TCP1: variants seen among roughly 807,000 people sequenced by gnomAD.
The protein encoded by TCP1 is T-complex protein 1 subunit alpha.
A neutral mutation model predicts 54.7 loss-of-function variants in TCP1; 6 were observed. The observed-to-expected ratio is 0.11, with a 90% CI of 0.06 to 0.22. The LOEUF (loss-of-function observed/expected upper bound fraction) is 0.22. Among genes scored for constraint, TCP1 ranks in the 10% least tolerant of loss-of-function variants. The probability of loss-of-function intolerance (pLI) is 1.00; values close to 1 mark genes in which losing one functional copy is unlikely to be tolerated. For missense variants in TCP1, 511 were observed against 678.2 expected (o/e 0.75, Z 2.74); for synonymous variants, 225 against 229.7 (o/e 0.98, Z 0.19).
rs745468128 is a variant in TCP1 at position 159,789,438 on chromosome 6, G to T, written c.31C>A (p.Arg11Ser). Residue 11 changes from arginine (R) to serine (S), a missense_variant, in exon 1 of 12, where the codon CGC (arginine) becomes AGC (serine). Around this residue, in one of 5 missense-constraint regions of TCP1, gnomAD observed 35 missense variants for 32.7 expected, o/e 1.07. Coordinates refer to ENST00000321394, the MANE Select transcript of TCP1 (RefSeq NM_030752.3). MEGPLSVFGD[R>S]STGETIRSQN... ...GAGCGGATCGTTTCCCCAGTGCTGC[G>T]GTCACCGAACACGGACAAAGGCCCC... 1.2e-6 allele frequency: 2 copies of T among 1,613,802 alleles called. No individual in the cohort carries two copies. The highest frequency in any genetic ancestry group is 1.7e-6 in the Non-Finnish European group (2 of 1,179,822).
At position 159,784,693 on chromosome 6, in the gene TCP1, C is replaced by T. The variant is rs1399395897; in HGVS notation, c.643G>A (p.Ala215Thr). 6.2e-7 allele frequency: 1 copy of T among 1,614,064 alleles called. No homozygotes were observed. The highest frequency in any genetic ancestry group is 2.2e-5 in the East Asian group (1 of 44,888). The change falls in exon 6 of 12, where the codon GCA (alanine) becomes ACA (threonine). Residue 215 changes from alanine to threonine, a missense_variant. Ala to Thr is a moderately conservative substitution (Grantham distance 58). This residue lies in a region of TCP1 where 305 missense variants were observed against 352.8 expected (regional missense o/e 0.86). Transcript: ENST00000321394. ...QMESMLISGY[A>T]LNCVVGSQGM... ...TGGGATCCCACCACACAGTTGAGTG[C>T]ATAGCCACTGATGAGCATACTCTCC...
At position 159,789,594 on chromosome 6, in the gene TCP1, G is replaced by C; in HGVS notation, c.-126C>G. ...TGGAGCGTACCCGAGCGATGTCCCA[G>C]GAGCTACTGGGTAACACACCACCCC... On this transcript the variant is annotated 5_prime_UTR_variant, in exon 1 of 12. Coordinates refer to ENST00000321394, the MANE Select transcript of TCP1 (RefSeq NM_030752.3). The C allele has an allele frequency of 8.5e-7, 1 of 1,173,898 alleles. No homozygotes were observed. Among genetic ancestry groups the C allele is most frequent in the Non-Finnish European group, 1.2e-6 (1 of 808,870 alleles). 72.7% of individuals were successfully genotyped at this position (1,173,898 alleles called of 1,614,324 possible).
At position 159,780,277 on chromosome 6, in the gene TCP1, A is replaced by G. The variant is rs1224563988; in HGVS notation, c.1097+166T>C. On this transcript the variant is annotated intron_variant, in intron 9 of 11. Coordinates refer to ENST00000321394, the MANE Select transcript of TCP1 (RefSeq NM_030752.3). ...ATGTCTAGTCCCTGCAGAAGAGATG[A>G]AAATGGTTACTTCATCTCAATTTAC... is the stretch of plus-strand genomic sequence containing the variant. 3 of 1,263,138 alleles carry G rather than the reference A, an allele frequency of 2.4e-6. No individual in the cohort carries two copies. The African/African-American group carries it at 4.4e-5, about 19-fold the overall frequency. 78.2% of individuals were successfully genotyped at this position (1,263,138 alleles called of 1,614,324 possible).
Position 159,781,984 on chromosome 6 carries a change from T to C in TCP1, c.798-874A>G, listed in dbSNP as rs556856259. 1.4e-3 allele frequency among the ~76,000 whole-genome samples: 209 copies of C among 151,964 alleles called. 1 individual carries two copies. Among genetic ancestry groups the C allele is most frequent in the Non-Finnish European group, 2.7e-3 (185 of 68,028 alleles). On this transcript the variant is annotated intron_variant, in intron 7 of 11. Coordinates refer to ENST00000321394, the MANE Select transcript of TCP1 (RefSeq NM_030752.3). The stretch of plus-strand genomic sequence containing the variant: ...CACTGAATGGCTGAAGACAAGAAGA[T>C]AATAACATGAGATATAAGCTGAAAG...
chr6:159,784,129 T>C, intron 6 of TCP1, 62 bp from the exon 7 acceptor site: 13 of 1,540,704 alleles, frequency 8.4e-6, no homozygotes, highest in Non-Finnish European at 1.1e-5. Context: ...AAAGAGTACC[T>C]ATAATCGATT....
At position 159,788,140 on chromosome 6, in the gene TCP1, A is replaced by T; in HGVS notation, c.68T>A (p.Met23Lys). 1 of 1,614,014 alleles carries T rather than the reference A, an allele frequency of 6.2e-7. No homozygotes were observed. Among genetic ancestry groups the T allele is most frequent in the Non-Finnish European group, 8.5e-7 (1 of 1,179,950 alleles). ...AATATTGGCAATCGAAGCTGCAGCC[A>T]TAACTGTAGACAATCAATTAAAAAT... ...TGETIRSQNV[M>K]AAASIANIVK... is the part of the protein sequence containing the mutation. The change falls in exon 2 of 12, where the codon ATG (methionine) becomes AAG (lysine). Residue 23 changes from methionine (M) to lysine (K), a missense_variant. By Grantham distance (95) the Met-to-Lys change is moderately conservative. This residue lies in a region of TCP1 where 35 missense variants were observed against 32.7 expected (regional missense o/e 1.07). Transcript: ENST00000321394.
rs912612249 is a variant in TCP1 at position 159,780,660 on chromosome 6, T to C, written c.974-94A>G. ...AGCATTTGTGGTAAAAGTGCTATAT[T>C]ACAAGTTTAGAATTTAGTTAGGCAG... On this transcript the variant is annotated intron_variant, in intron 8 of 11. Transcript: ENST00000321394. The C allele has an allele frequency of 4.0e-6, 6 of 1,489,302 alleles. No homozygotes were observed. In the African/African-American group the frequency reaches 4.2e-5, roughly 10 times the overall value. The allele number at this position is 1,489,302 out of a possible 1,614,324, so 92.3% of individuals were successfully genotyped here. A position where few individuals can be genotyped will look rare whatever the true frequency, so the allele number is the denominator to read the frequency against.
chr6:159,788,296 G>C lies in TCP1; in HGVS notation c.65-153C>G, dbSNP rs550985004. 3.6e-5 allele frequency: 24 copies of C among 659,480 alleles called. No homozygotes were observed. In the East Asian group the frequency reaches 6.4e-4, roughly 18 times the overall value. 40.9% of individuals were successfully genotyped at this position (659,480 alleles called of 1,614,324 possible). A position where few individuals can be genotyped will look rare whatever the true frequency, so the allele number is the denominator to read the frequency against. ...TAATTATTTAAAAACCACCTACTAAGAGTGTAAATGGGGCCAGACACTGTG... is the reference window on the plus strand; with the variant it reads ...TAATTATTTAAAAACCACCTACTAACAGTGTAAATGGGGCCAGACACTGTG... On this transcript the variant is annotated intron_variant, in intron 1 of 11. Coordinates refer to ENST00000321394, the MANE Select transcript of TCP1 (RefSeq NM_030752.3).
At position 159,786,069 on chromosome 6, in the gene TCP1, A is replaced by G. The variant is rs1380313721; in HGVS notation, c.280-72T>C. The G allele has an allele frequency of 1.6e-5, 20 of 1,222,502 alleles. No homozygotes were observed. In the Admixed American group the frequency reaches 3.1e-4, roughly 19 times the overall value. The allele number at this position is 1,222,502 out of a possible 1,614,324, so 75.7% of individuals were successfully genotyped here. ...TGTGCAATACATATGGAATGACACTAAAATGGCCATATATTATTAACCAAA... is the reference window on the plus strand; with the variant it reads ...TGTGCAATACATATGGAATGACACTGAAATGGCCATATATTATTAACCAAA... On this transcript the variant is annotated intron_variant, in intron 3 of 11. Transcript: ENST00000321394.
chr6:159,784,127 C>T (rs1411809325), intron 6 of TCP1, 60 bp from the exon 7 acceptor site: 8 of 1,547,778 alleles, frequency 5.2e-6, no homozygotes, highest in Non-Finnish European at 6.1e-6. Context: ...ATAAAGAGTA[C>T]CTATAATCGA....
Position 159,788,121 on chromosome 6 carries a change from G to A in TCP1, c.87C>T (p.Ala29=). 1 of 1,613,946 alleles carries A rather than the reference G, an allele frequency of 6.2e-7. No homozygotes were observed. The highest frequency in any genetic ancestry group is 1.1e-5 in the South Asian group (1 of 91,060). The change falls in exon 2 of 12, where the codon GCC becomes GCT. Residue 29 remains alanine, a synonymous_variant. Coordinates refer to ENST00000321394, the MANE Select transcript of TCP1 (RefSeq NM_030752.3). ...GACCAAGAGAACTTTTTACAATATT[G>A]GCAATCGAAGCTGCAGCCATAACTG... is the stretch of plus-strand genomic sequence containing the variant. The part of the protein sequence containing the change: ...SQNVMAAASI[A]NIVKSSLGPV...
chr6:159,778,926 C>T lies in TCP1; in HGVS notation c.*119G>A. 1 of 1,566,646 alleles carries T rather than the reference C, an allele frequency of 6.4e-7. No individual in the cohort carries two copies. On this transcript the variant is annotated 3_prime_UTR_variant, in exon 12 of 12. Coordinates refer to ENST00000321394, the MANE Select transcript of TCP1 (RefSeq NM_030752.3). The stretch of plus-strand genomic sequence containing the variant: ...AGAGGACCAAAGTACAGATGGAAAC[C>T]ATTTCCTACATCACAAAAACCCAAG...
intron 4 of TCP1, 127 bp from the exon 5 acceptor site, chr6:159,785,623 G>A (rs751949761): frequency 8.6e-5 from 74 of 858,400 alleles, no homozygotes; most frequent in Non-Finnish European, 1.4e-4. Flanking sequence ...TCATATAGGA[G>A]GAGGACATGA....
At position 159,780,065 on chromosome 6, in the gene TCP1, A is replaced by T; in HGVS notation, c.1120T>A (p.Ser374Thr). The change falls in exon 10 of 12, where the codon TCG becomes ACG. Residue 374 changes from serine to threonine, a missense_variant. Around this residue, in one of 5 missense-constraint regions of TCP1, gnomAD observed 305 missense variants for 352.8 expected, o/e 0.86. Transcript: ENST00000321394. ...TCATTTGCCCCACGTAAGATAATCGATGCAGACGTACGAGCCTTAGTACTG... is the reference window on the plus strand; with the variant it reads ...TCATTTGCCCCACGTAAGATAATCGTTGCAGACGTACGAGCCTTAGTACTG... The part of the protein sequence containing the change: ...IKNTKARTSA[S>T]IILRGANDFM... The T allele has an allele frequency of 6.2e-7, 1 of 1,614,196 alleles. No individual in the cohort carries two copies. The highest frequency in any genetic ancestry group is 1.1e-5 in the South Asian group (1 of 91,086).
intron 1 of TCP1, chr6:159,788,891 C>A (rs150708181): frequency 0.011 from 1,713 of 155,066 alleles, 18 homozygotes; most frequent in Middle Eastern, 0.073. Context: ...GCTAACTCTA[C>A]TGTAAGAAGC....
intron 2 of TCP1, 22 bp downstream of exon 2, chr6:159,788,034 AAC>A: frequency 6.2e-7 from 1 of 1,611,568 alleles, no homozygotes. Context: ...TAAGGAAACT[AAC>A]ACAACAGTTA....
chr6:159,785,838 A>C, intron 4 of TCP1, 62 bp downstream of exon 4: 1 of 1,278,952 alleles, frequency 7.8e-7, no homozygotes, highest in Non-Finnish European at 1.1e-6. Context: ...TCAAAACGTT[A>C]AGACAACACA....
Position 159,789,543 on chromosome 6 carries a change from C to T in TCP1, c.-75G>A. ...GTATCGCGGCCCCTCGGCCGACCGGCGACCACAGCAGTGGCTGCGACGGCG... is the reference window on the plus strand; with the variant it reads ...GTATCGCGGCCCCTCGGCCGACCGGTGACCACAGCAGTGGCTGCGACGGCG... On this transcript the variant is annotated 5_prime_UTR_variant, in exon 1 of 12. Transcript: ENST00000321394. The T allele has an allele frequency of 1.3e-6, 2 of 1,567,736 alleles. No homozygotes were observed. Among genetic ancestry groups the T allele is most frequent in the South Asian group, 1.1e-5 (1 of 87,972 alleles).
At chr6:159,785,328 C>T in intron 5 of TCP1, 58 bp downstream of exon 5, 1 of 1,286,262 alleles carries the variant, frequency 7.8e-7, no homozygotes, top group Non-Finnish European at 1.1e-6. Context: ...CCACCATGCC[C>T]ATCTCAAAGT....
Sources: gnomAD v4.1 joint callset for allele counts (sites outside exome capture counted in the v4.1 genomes callset) on GRCh38, gnomAD v4.1.1 for gene constraint, gnomAD v4.1.1 regional missense constraint, MANE v1.5 for transcripts, NCBI Gene and HGNC (gene_info 2026-07-23, HGNC 2026-07-21) for gene names.